The following ADGRV1 variants were observed in gnomAD, a reference collection of about 807,000 sequenced individuals.
ADGRV1 encodes G-protein coupled receptor 98.
Under a neutral mutation model 596.2 loss-of-function variants are expected in ADGRV1, and 359 were observed. The ratio of observed to expected loss-of-function variants is 0.60; its 90% confidence interval spans 0.55 to 0.66. The LOEUF is 0.66. Ranked by LOEUF, ADGRV1 falls within the 30% of genes least tolerant of loss-of-function variation. The probability of loss-of-function intolerance (pLI) is 0.00; values close to 1 mark genes in which losing one functional copy is unlikely to be tolerated. For missense variants in ADGRV1, 7,274 were observed against 7,575.6 expected, an observed-to-expected ratio of 0.96 and a Z score of 1.48; for synonymous variants, 2,681 against 2,679.2, an observed-to-expected ratio of 1.00 and a Z score of -0.02.
chr5:90,605,490 T>A (rs1358073572), intron 1 of ADGRV1, among the ~76,000 whole-genome samples: 1 of 152,106 alleles, frequency 6.6e-6, no homozygotes, highest in Non-Finnish European at 1.5e-5. Flanking sequence ...CTGTTTCTGT[T>A]ATGTAAAATG....
At chr5:90,759,865 T>C (rs1756287522) in intron 58 of ADGRV1, 3 of 357,728 alleles carry the variant, frequency 8.4e-6, no homozygotes, top group Non-Finnish European at 1.1e-5. Flanking sequence ...CTTGGGAGGC[T>C]GAGGCAGGAG....
chr5:90,877,702 A>T (rs1295029582), intron 83 of ADGRV1, among the ~76,000 whole-genome samples: 2 of 151,842 alleles, frequency 1.3e-5, no homozygotes, highest in Non-Finnish European at 2.9e-5. Flanking sequence ...AGGAAAAAAT[A>T]GTTAGGTGTA....
Position 90,985,460 on chromosome 5 carries a change from T to A in ADGRV1, c.18090T>A (p.Val6030=). ...LPAFVVILLI[V]ILKGIYHQSM... Reference sequence around the variant, plus strand: ...CTTTTGTGGTGATTCTCCTCATAGTTATTTTGAAAGGAATCTATCATCAGA... The same window carrying A: ...CTTTTGTGGTGATTCTCCTCATAGTAATTTTGAAAGGAATCTATCATCAGA... Residue 6030 remains valine, a synonymous_variant, in exon 85 of 90, where the codon GTT becomes GTA. Transcript: ENST00000405460. 1 of 1,613,854 alleles carries A rather than the reference T, an allele frequency of 6.2e-7. No homozygotes were observed.
intron 85 of ADGRV1, among the ~76,000 whole-genome samples, chr5:90,990,866 G>A (rs550446807): frequency 1.3e-5 from 2 of 152,274 alleles, no homozygotes; most frequent in African/African-American, 4.8e-5. Context: ...GTCTTTGGAA[G>A]TAGTCACCTA....
intron 33 of ADGRV1, 66 bp downstream of exon 33, chr5:90,694,767 A>T (rs946228921): frequency 1.5e-6 from 2 of 1,347,188 alleles, no homozygotes; most frequent in Admixed American, 5.3e-5. Context: ...TTTTTATGAT[A>T]AAATTTATAA....
intron 86 of ADGRV1, among the ~76,000 whole-genome samples, chr5:91,093,290 C>T (rs1391260678): frequency 2.0e-5 from 3 of 152,164 alleles, no homozygotes; most frequent in Non-Finnish European, 4.4e-5. Context: ...CATTTATTTT[C>T]CTCCATGGAT....
Position 90,855,729 on chromosome 5 carries a change from T to A in ADGRV1, c.17595-12T>A, listed in dbSNP as rs1255589495. The A allele has an allele frequency of 6.5e-7, 1 of 1,542,724 alleles. No homozygotes were observed. The highest frequency in any genetic ancestry group is 2.0e-5 in the Admixed American group (1 of 50,998). ...TGAAAGAGGAAAAATGACTATTGTG[T>A]TTTTGCCCTAGCTGGTTGTCTGACA... On this transcript the variant is annotated splice_polypyrimidine_tract_variant and intron_variant, in intron 81 of 89. Transcript: ENST00000405460.
chr5:90,586,807 A>G (rs1314597659), intron 1 of ADGRV1, among the ~76,000 whole-genome samples: 1 of 152,034 alleles, frequency 6.6e-6, no homozygotes, highest in African/African-American at 2.4e-5. Flanking sequence ...CTTTGTATCT[A>G]ATTGTTTCAT....
At chr5:91,094,214 CT>C (rs1300734613) in intron 86 of ADGRV1, among the ~76,000 whole-genome samples, 1 of 152,042 alleles carries the variant, frequency 6.6e-6, no homozygotes, top group Admixed American at 6.5e-5. Context: ...AAACCCAGCA[CT>C]TTGGGAGACT....
At chr5:90,807,565 A>T in intron 72 of ADGRV1, 37 bp from the exon 73 acceptor site, 1 of 1,580,318 alleles carries the variant, frequency 6.3e-7, no homozygotes, top group Non-Finnish European at 8.6e-7. Flanking sequence ...AAGAAAAGAA[A>T]TAATACCCTA....
At position 90,674,037 on chromosome 5, in the gene ADGRV1, G is replaced by A. The variant is rs1247566657; in HGVS notation, c.4930-17G>A. Reference sequence around the variant, plus strand: ...AATGCCTCATTGCTTAGTGCCTCTGGATATTTATATTTTTAGGTTCTGAAT... The same window carrying A: ...AATGCCTCATTGCTTAGTGCCTCTGAATATTTATATTTTTAGGTTCTGAAT... On this transcript the variant is annotated splice_polypyrimidine_tract_variant and intron_variant, in intron 22 of 89. Coordinates refer to ENST00000405460, the MANE Select transcript of ADGRV1 (RefSeq NM_032119.4). 7 of 1,577,536 alleles carry A rather than the reference G, an allele frequency of 4.4e-6. No individual in the cohort carries two copies. In the East Asian group the frequency reaches 1.6e-4, roughly 36 times the overall value.
At chr5:90,687,955 G>A (rs1276314984) in intron 29 of ADGRV1, among the ~76,000 whole-genome samples, 12 of 152,108 alleles carry the variant, frequency 7.9e-5, no homozygotes, top group Admixed American at 4.6e-4. Context: ...AATCAATATC[G>A]TGAAAATGGC....
At chr5:90,702,019 C>T (rs993000996) in intron 34 of ADGRV1, among the ~76,000 whole-genome samples, 5 of 114,668 alleles carry the variant, frequency 4.4e-5, no homozygotes, top group African/African-American at 1.7e-4. Context: ...AAAACCATGA[C>T]TCTTATGAAA....
chr5:91,025,338 ATTTTT>A (rs34385706), intron 85 of ADGRV1, among the ~76,000 whole-genome samples: 2 of 148,056 alleles, frequency 1.4e-5, no homozygotes, highest in Non-Finnish European at 3.0e-5. Context: ...CAAAAGGAAG[ATTTTT>A]TTTTTTTTAG....
At chr5:90,670,571 G>C (rs1024896454) in intron 21 of ADGRV1, among the ~76,000 whole-genome samples, 2 of 152,114 alleles carry the variant, frequency 1.3e-5, no homozygotes, top group African/African-American at 4.8e-5. Flanking sequence ...TGAAATCAGA[G>C]TGAGGCTCTG....
chr5:90,866,311 GTA>G (rs145385394), intron 83 of ADGRV1, among the ~76,000 whole-genome samples: 33,090 of 124,920 alleles, frequency 0.26, 4,333 homozygotes, highest in Non-Finnish European at 0.34. Context: ...TTGTGTATGT[GTA>G]TATGTGTGTG....
intron 85 of ADGRV1, among the ~76,000 whole-genome samples, chr5:91,006,495 T>G (rs1379684582): frequency 1.3e-5 from 2 of 152,100 alleles, no homozygotes; most frequent in Admixed American, 1.3e-4. Flanking sequence ...TTCACAAAAT[T>G]TTTGTATACT....
At chr5:90,616,216 T>C (rs1301340628) in intron 2 of ADGRV1, among the ~76,000 whole-genome samples, 88 of 152,070 alleles carry the variant, frequency 5.8e-4, no homozygotes, top group Non-Finnish European at 2.4e-4. Flanking sequence ...ATGATTTTTA[T>C]TGGTACTAAA....
At chr5:90,966,481 G>A (rs921603368) in intron 84 of ADGRV1, among the ~76,000 whole-genome samples, 3 of 131,224 alleles carry the variant, frequency 2.3e-5, no homozygotes, top group South Asian at 2.4e-4. Context: ...GCAGTAAGCC[G>A]AAATGGCACC....
Sources: gnomAD v4.1 joint callset for allele counts (sites outside exome capture counted in the v4.1 genomes callset) on GRCh38, gnomAD v4.1.1 for gene constraint, MANE v1.5 for transcripts, NCBI Gene and HGNC (gene_info 2026-07-23, HGNC 2026-07-21) for gene names.